The following GALNTL6 variants were observed in gnomAD, a reference collection of about 807,000 sequenced individuals.
The protein encoded by GALNTL6 is polypeptide N-acetylgalactosaminyltransferase like 6, also known as polypeptide N-acetylgalactosaminyltransferase-like 6.
A neutral mutation model predicts 73.7 loss-of-function variants in GALNTL6; 46 were observed. The observed-to-expected ratio is 0.62, with a 90% CI of 0.49 to 0.80. GALNTL6 has a LOEUF of 0.80. GALNTL6 is among the 30% of genes least tolerant of loss of function. The pLI, the probability that GALNTL6 is intolerant of heterozygous loss-of-function variation, is 0.00. For missense variants in GALNTL6, 604 were observed against 755.0 expected (o/e 0.80, Z 2.34); for synonymous variants, 259 against 263.7 (o/e 0.98, Z 0.17).
intron 2 of GALNTL6, among the ~76,000 whole-genome samples, chr4:172,177,305 G>A (rs974858714): frequency 3.3e-5 from 5 of 152,194 alleles, no homozygotes; most frequent in East Asian, 3.9e-4. Context: ...AGTGACATAC[G>A]TGAAGTAATT....
At chr4:172,753,022 A>C (rs1324682771) in intron 5 of GALNTL6, among the ~76,000 whole-genome samples, 1 of 152,182 alleles carries the variant, frequency 6.6e-6, no homozygotes, top group Non-Finnish European at 1.5e-5. Context: ...CTGATTCCAC[A>C]TGTGAATTGA....
intron 2 of GALNTL6, among the ~76,000 whole-genome samples, chr4:171,950,770 G>C (rs1345795838): frequency 6.6e-6 from 1 of 152,178 alleles, no homozygotes; most frequent in African/African-American, 2.4e-5. Context: ...GAGCCACAAC[G>C]CCCAGCCAGT....
chr4:171,991,977 T>C (rs1405680453), intron 2 of GALNTL6, among the ~76,000 whole-genome samples: 3 of 151,878 alleles, frequency 2.0e-5, no homozygotes, highest in African/African-American at 7.2e-5. Context: ...GAGTAGACCA[T>C]GAAGTGTAAC....
At chr4:172,594,080 C>T (rs1719829127) in intron 5 of GALNTL6, among the ~76,000 whole-genome samples, 1 of 152,096 alleles carries the variant, frequency 6.6e-6, no homozygotes, top group South Asian at 2.1e-4. Context: ...GGCGCGGTGG[C>T]TCATGCCTGT....
chr4:172,397,390 G>C (rs531158302), intron 5 of GALNTL6, among the ~76,000 whole-genome samples: 1 of 152,022 alleles, frequency 6.6e-6, no homozygotes, highest in African/African-American at 2.4e-5. Context: ...TAATGTTAGC[G>C]TGCATAATCA....
At chr4:171,877,798 T>C (rs1736320032) in intron 2 of GALNTL6, among the ~76,000 whole-genome samples, 1 of 152,204 alleles carries the variant, frequency 6.6e-6, no homozygotes, top group Non-Finnish European at 1.5e-5. Context: ...TAATTTTAAA[T>C]GATAACAAAA....
At chr4:172,874,279 G>A (rs1745081854) in intron 7 of GALNTL6, among the ~76,000 whole-genome samples, 1 of 152,218 alleles carries the variant, frequency 6.6e-6, no homozygotes, top group African/African-American at 2.4e-5. Flanking sequence ...AGAGGGGAGA[G>A]CAATGGGAAA....
At chr4:172,146,755 A>G (rs2110751170) in intron 2 of GALNTL6, among the ~76,000 whole-genome samples, 1 of 152,282 alleles carries the variant, frequency 6.6e-6, no homozygotes, top group East Asian at 1.9e-4. Context: ...CTGCTGGCAA[A>G]CTGTGGGCTC....
At chr4:172,300,362 C>A (rs1338023044) in intron 3 of GALNTL6, among the ~76,000 whole-genome samples, 1 of 152,026 alleles carries the variant, frequency 6.6e-6, no homozygotes, top group Non-Finnish European at 1.5e-5. Flanking sequence ...AGGATTTAGC[C>A]CATTTACATT....
rs545131879 is a variant in GALNTL6 at position 172,039,915 on chromosome 4, G to A, written c.139-189741G>A. ...TAATTTATATGCTTACTTTCGCTGT[G>A]AGAAAGACAACTTCAGGGCAAAAAA... is the stretch of plus-strand genomic sequence containing the variant. On this transcript the variant is annotated intron_variant, in intron 2 of 12. Transcript: ENST00000506823. Among the ~76,000 whole-genome samples the A allele has an allele frequency of 5.9e-5, 9 of 151,862 alleles. No individual in the cohort carries two copies. In the South Asian group the frequency reaches 1.7e-3, roughly 28 times the overall value.
At chr4:172,487,960 G>A (rs544897457) in intron 5 of GALNTL6, among the ~76,000 whole-genome samples, 1 of 152,130 alleles carries the variant, frequency 6.6e-6, no homozygotes, top group African/African-American at 2.4e-5. Context: ...GCCATATATA[G>A]GCATTTTCTC....
At chr4:172,483,710 G>A (rs1001571726) in intron 5 of GALNTL6, among the ~76,000 whole-genome samples, 4 of 152,140 alleles carry the variant, frequency 2.6e-5, no homozygotes, top group African/African-American at 9.7e-5. Flanking sequence ...AGAGAAGGAA[G>A]GATGTAAGAA....
chr4:172,992,254 C>T (rs951930329), intron 10 of GALNTL6, among the ~76,000 whole-genome samples: 1 of 152,128 alleles, frequency 6.6e-6, no homozygotes, highest in East Asian at 1.9e-4. Context: ...GCCTTACTTA[C>T]GATTTAAAAT....
chr4:173,010,905 A>G (rs535184311), intron 11 of GALNTL6, among the ~76,000 whole-genome samples: 1 of 152,056 alleles, frequency 6.6e-6, no homozygotes, highest in Non-Finnish European at 1.5e-5. Context: ...ACGCCCAGCC[A>G]ATTTTTAGTT....
chr4:172,563,837 T>C (rs1327896812), intron 5 of GALNTL6, among the ~76,000 whole-genome samples: 1 of 152,224 alleles, frequency 6.6e-6, no homozygotes, highest in Non-Finnish European at 1.5e-5. Context: ...AATATGGTTT[T>C]TTTAATTCAC....
At chr4:172,174,282 T>G (rs1354355502) in intron 2 of GALNTL6, among the ~76,000 whole-genome samples, 1 of 152,134 alleles carries the variant, frequency 6.6e-6, no homozygotes, top group East Asian at 1.9e-4. Context: ...AAAAAAGAAG[T>G]GTTTATTCTC....
At chr4:172,209,016 T>C (rs1736236734) in intron 2 of GALNTL6, among the ~76,000 whole-genome samples, 1 of 152,132 alleles carries the variant, frequency 6.6e-6, no homozygotes, top group African/African-American at 2.4e-5. Context: ...AAATTCTTTA[T>C]AGTTTTTAAT....
chr4:172,554,752 G>A (rs77384401), intron 5 of GALNTL6, among the ~76,000 whole-genome samples: 2,690 of 152,188 alleles, frequency 0.018, 77 homozygotes, highest in African/African-American at 0.061. Context: ...TAATGCCTCC[G>A]TTCTCATTGC....
intron 2 of GALNTL6, among the ~76,000 whole-genome samples, chr4:172,206,805 G>GTTTGTTGTT (rs1554003003): frequency 4.2e-4 from 11 of 26,168 alleles, no homozygotes; most frequent in African/African-American, 1.0e-3. Context: ...TTGTTTTTCT[G>GTTTGTTGTT]TTTTTTTTGT....
Sources: gnomAD v4.1 joint callset for allele counts (sites outside exome capture counted in the v4.1 genomes callset) on GRCh38, gnomAD v4.1.1 for gene constraint, MANE v1.5 for transcripts, NCBI Gene and HGNC (gene_info 2026-07-23, HGNC 2026-07-21) for gene names.